The following AOPEP variants were observed in gnomAD, a reference collection of about 807,000 sequenced individuals.
The protein encoded by AOPEP is aminopeptidase O (putative).
In AOPEP, 77 loss-of-function variants were observed where a neutral mutation model predicts 98.1. The ratio of observed to expected loss-of-function variants is 0.78; its 90% confidence interval spans 0.65 to 0.95. The LOEUF (loss-of-function observed/expected upper bound fraction) is 0.95, where lower values mean the gene tolerates loss of function less well. Ranked by LOEUF, AOPEP falls within the 40% of genes least tolerant of loss-of-function variation. The pLI is 0.00. For missense variants in AOPEP, 1,024 were observed against 1,024.7 expected, an observed-to-expected ratio of 1.00 and a Z score of 0.01; for synonymous variants, 346 against 365.3, an observed-to-expected ratio of 0.95 and a Z score of 0.60.
At chr9:94,870,724 T>C (rs1356875279) in intron 5 of AOPEP, among the ~76,000 whole-genome samples, 1 of 152,214 alleles carries the variant, frequency 6.6e-6, no homozygotes, top group Non-Finnish European at 1.5e-5. Flanking sequence ...AGTGAAGATA[T>C]AAGTTGGATC....
chr9:95,093,495 CCT>C, the AOPEP span, among the ~76,000 whole-genome samples: 1 of 152,122 alleles, frequency 6.6e-6, no homozygotes, highest in Non-Finnish European at 1.5e-5. Context: ...TAACGGCAGC[CCT>C]CTCTTAGAGC....
intron 13 of AOPEP, among the ~76,000 whole-genome samples, chr9:95,058,768 G>C (rs1232411453): frequency 3.9e-5 from 6 of 152,240 alleles, no homozygotes; most frequent in African/African-American, 4.8e-5. Context: ...ACACTGGGAA[G>C]AGGGCTCAAG....
the AOPEP span, among the ~76,000 whole-genome samples, chr9:95,119,500 G>A: frequency 6.6e-6 from 1 of 151,660 alleles, no homozygotes; most frequent in African/African-American, 2.4e-5. Flanking sequence ...CAAATAGCTG[G>A]GACTAAAGGC....
chr9:95,135,790 G>A, the AOPEP span, among the ~76,000 whole-genome samples: 5,051 of 152,262 alleles, frequency 0.033, 291 homozygotes, highest in African/African-American at 0.12. Flanking sequence ...AAGAGGGAGC[G>A]ATAAAAAACG....
At chr9:95,095,208 G>A in the AOPEP span, among the ~76,000 whole-genome samples, 3 of 152,160 alleles carry the variant, frequency 2.0e-5, no homozygotes, top group Non-Finnish European at 4.4e-5. Context: ...ATCTTACGGT[G>A]CTGATAAATT....
At chr9:95,091,897 G>T (rs2070872142), downstream of AOPEP, among the ~76,000 whole-genome samples, 1 of 152,220 alleles carries the variant, frequency 6.6e-6, no homozygotes, top group Non-Finnish European at 1.5e-5. Context: ...CCCCATGGGA[G>T]GCCCAGCCTG....
At chr9:94,963,104 TC>T (rs1413877640) in intron 9 of AOPEP, among the ~76,000 whole-genome samples, 2 of 152,280 alleles carry the variant, frequency 1.3e-5, no homozygotes, top group East Asian at 3.9e-4. Context: ...AATAACTTCT[TC>T]CTGACAATTT....
the AOPEP span, chr9:95,117,357 T>C: frequency 1.9e-6 from 3 of 1,613,778 alleles, no homozygotes; most frequent in Non-Finnish European, 2.5e-6. Flanking sequence ...GATGGAGAAG[T>C]GTAAGGAAAG....
the AOPEP span, among the ~76,000 whole-genome samples, chr9:95,137,094 A>G: frequency 6.6e-6 from 1 of 152,196 alleles, no homozygotes; most frequent in South Asian, 2.1e-4. Flanking sequence ...AAGGAAAACT[A>G]AAGTGGGGGC....
chr9:95,033,647 G>A (rs1438653394), intron 13 of AOPEP, among the ~76,000 whole-genome samples: 1 of 152,144 alleles, frequency 6.6e-6, no homozygotes, highest in Non-Finnish European at 1.5e-5. Flanking sequence ...TAATAATAAA[G>A]CCTGTATTCT....
intron 5 of AOPEP, among the ~76,000 whole-genome samples, chr9:94,917,888 C>T (rs1183760913): frequency 6.6e-6 from 1 of 152,160 alleles, no homozygotes; most frequent in Non-Finnish European, 1.5e-5. Flanking sequence ...CTGCTTCCTT[C>T]ATCTCCATCT....
intron 13 of AOPEP, among the ~76,000 whole-genome samples, chr9:95,032,748 C>T (rs922464985): frequency 6.6e-6 from 1 of 152,198 alleles, no homozygotes; most frequent in Non-Finnish European, 1.5e-5. Context: ...TAGGTAAATA[C>T]ATGACTAAGT....
downstream of AOPEP, among the ~76,000 whole-genome samples, chr9:95,089,627 A>T (rs540637567): frequency 1.2e-4 from 19 of 152,326 alleles, no homozygotes; most frequent in South Asian, 1.5e-3. Flanking sequence ...TCAGCAGCCA[A>T]GACTTGAGAG....
the AOPEP span, among the ~76,000 whole-genome samples, chr9:95,119,034 G>A: frequency 6.6e-6 from 1 of 152,194 alleles, no homozygotes; most frequent in Admixed American, 6.5e-5. Context: ...CAATGTATGT[G>A]AATTCCAGTT....
At chr9:94,803,520 GT>G (rs1848621038) in intron 5 of AOPEP, among the ~76,000 whole-genome samples, 3 of 152,064 alleles carry the variant, frequency 2.0e-5, no homozygotes, top group African/African-American at 7.2e-5. Flanking sequence ...CTTTGATTCT[GT>G]TTTTGAGCTG....
downstream of AOPEP, among the ~76,000 whole-genome samples, chr9:95,090,157 T>C (rs544270934): frequency 6.6e-6 from 1 of 152,260 alleles, no homozygotes; most frequent in Admixed American, 6.5e-5. Flanking sequence ...CCCTGTGGCC[T>C]GCAGCCACTA....
intron 11 of AOPEP, among the ~76,000 whole-genome samples, chr9:94,987,059 G>A (rs1487825248): frequency 6.6e-6 from 1 of 152,210 alleles, no homozygotes; most frequent in Non-Finnish European, 1.5e-5. Flanking sequence ...TCAGACCTCT[G>A]AGTCCAGTCC....
chr9:94,749,390 C>G (rs1228207507), intron 1 of AOPEP, among the ~76,000 whole-genome samples: 1 of 152,126 alleles, frequency 6.6e-6, no homozygotes, highest in Non-Finnish European at 1.5e-5. Flanking sequence ...TCAGCCATGT[C>G]TCCAAGGAGG....
chr9:94,936,281 C>T (rs1452126897), intron 7 of AOPEP, among the ~76,000 whole-genome samples: 1 of 152,194 alleles, frequency 6.6e-6, no homozygotes, highest in Non-Finnish European at 1.5e-5. Context: ...CAAGTCCCTG[C>T]ACATCACCTC....
Sources: allele counts gnomAD v4.1 joint callset (sites outside exome capture counted in the v4.1 genomes callset), GRCh38; gene constraint gnomAD v4.1.1; transcripts MANE v1.5; gene names NCBI Gene and HGNC (gene_info 2026-07-23, HGNC 2026-07-21).